Variants in FRYL observed in about 807,000 individuals in gnomAD.
The protein encoded by FRYL is protein furry homolog-like.
A neutral mutation model predicts 351.2 loss-of-function variants in FRYL; 150 were observed. That is an observed-to-expected ratio of 0.43 (90% CI 0.37 to 0.49). FRYL has a LOEUF of 0.49. Among genes scored for constraint, FRYL ranks in the 20% least tolerant of loss-of-function variants. The pLI is 0.00. For synonymous variants in FRYL, 1,153 were observed against 1,257.1 expected, an observed-to-expected ratio of 0.92 and a Z score of 1.75; for missense variants, 3,036 against 3,619.3, an observed-to-expected ratio of 0.84 and a Z score of 4.13.
intron 53 of FRYL, among the ~76,000 whole-genome samples, chr4:48,523,944 T>A (rs374023281): frequency 1.3e-5 from 2 of 152,324 alleles, no homozygotes; most frequent in African/African-American, 4.8e-5. Context: ...AACATAACTG[T>A]TGCCAATTTT....
rs1355393325 is a variant in FRYL at position 48,623,531 on chromosome 4, GTTCT to G, written c.121-356_121-353del. Among the ~76,000 whole-genome samples the G allele has an allele frequency of 2.6e-5, 4 of 152,306 alleles. No homozygotes were observed. In the South Asian group the frequency reaches 6.2e-4, roughly 24 times the overall value. On this transcript the variant is annotated intron_variant, in intron 4 of 63. Coordinates refer to ENST00000358350, the MANE Select transcript of FRYL (RefSeq NM_015030.2). ...TCAAGTTCAAAAGTCAACAGTATGT[GTTCT>G]TTCTTTCATTCATTCAAGAGTTTAC...
intron 21 of FRYL, 55 bp downstream of exon 21, chr4:48,581,365 G>C: frequency 6.8e-7 from 1 of 1,476,046 alleles, no homozygotes; most frequent in Admixed American, 1.9e-5. Flanking sequence ...GATGGACAAA[G>C]AGATGGTTTT....
chr4:48,634,415 A>G lies in FRYL; in HGVS notation c.-5T>C, dbSNP rs759175204. On this transcript the variant is annotated 5_prime_UTR_variant, in exon 4 of 64. Transcript: ENST00000358350. ...GTCAATCGTAATGTTTGACATGATGATATTTTTTTTTCCCCAAGTGGAATG... is the reference window on the plus strand; with the variant it reads ...GTCAATCGTAATGTTTGACATGATGGTATTTTTTTTTCCCCAAGTGGAATG... 8 of 1,612,882 alleles carry G rather than the reference A, an allele frequency of 5.0e-6. No homozygotes were observed. The highest frequency in any genetic ancestry group is 1.1e-5 in the South Asian group (1 of 91,066).
chr4:48,598,971 G>A (rs1388566939), intron 13 of FRYL: 1 of 352,878 alleles, frequency 2.8e-6, no homozygotes, highest in African/African-American at 2.2e-5. Context: ...CTTCACCAAG[G>A]TCTCTATTTA....
rs374438103 is a variant in FRYL at position 48,762,419 on chromosome 4, A to C, written c.-384+17659T>G. ...AAGTGTCTCTTCTCCTCTAATAATG[A>C]ACTCTTGTGTTGCTTCTTGGCCTAT... On this transcript the variant is annotated intron_variant, in intron 1 of 63. Coordinates refer to ENST00000358350, the MANE Select transcript of FRYL (RefSeq NM_015030.2). Among the ~76,000 whole-genome samples, 4 of 152,304 alleles carry C rather than the reference A, an allele frequency of 2.6e-5. No individual in the cohort carries two copies. In the South Asian group the frequency reaches 8.3e-4, roughly 32 times the overall value.
At chr4:48,657,233 C>T (rs1170042695) in intron 3 of FRYL, among the ~76,000 whole-genome samples, 3 of 151,998 alleles carry the variant, frequency 2.0e-5, no homozygotes, top group Admixed American at 6.6e-5. Flanking sequence ...TGCAGTAGCA[C>T]GAACAAGGTT....
At chr4:48,502,877 TACAA>T (rs750676955) in intron 60 of FRYL, 32 bp from the exon 61 acceptor site, 3 of 1,592,158 alleles carry the variant, frequency 1.9e-6, no homozygotes, top group Non-Finnish European at 2.6e-6. Flanking sequence ...TCACAAAAAA[TACAA>T]AGGAAGAAAA....
intron 49 of FRYL, among the ~76,000 whole-genome samples, chr4:48,533,236 T>C (rs781124138): frequency 7.2e-5 from 11 of 152,140 alleles, no homozygotes; most frequent in Non-Finnish European, 1.6e-4. Flanking sequence ...TGGTATATGT[T>C]TCTATGTGAA....
intron 7 of FRYL, among the ~76,000 whole-genome samples, chr4:48,612,403 C>T (rs1444992891): frequency 1.3e-5 from 2 of 152,124 alleles, no homozygotes; most frequent in South Asian, 2.1e-4. Flanking sequence ...GTTTTTTCCT[C>T]CCCTATACAG....
chr4:48,544,378 T>C (rs1730886948), intron 43 of FRYL, among the ~76,000 whole-genome samples: 1 of 152,140 alleles, frequency 6.6e-6, no homozygotes, highest in African/African-American at 2.4e-5. Context: ...TTGCCAAATG[T>C]CCCCTAGTTG....
intron 27 of FRYL, among the ~76,000 whole-genome samples, chr4:48,569,618 C>T (rs4695389): frequency 0.95 from 144,263 of 152,316 alleles, 68,431 homozygotes; most frequent in South Asian, 0.98. Context: ...TTTTTATTTG[C>T]TTTTTATTAA....
At chr4:48,777,480 G>A (rs1437355147) in intron 1 of FRYL, among the ~76,000 whole-genome samples, 1 of 152,164 alleles carries the variant, frequency 6.6e-6, no homozygotes, top group Non-Finnish European at 1.5e-5. Flanking sequence ...GTGATACAGT[G>A]AATCTGCACA....
At chr4:48,645,118 T>G (rs1169649131) in intron 3 of FRYL, among the ~76,000 whole-genome samples, 1 of 35,308 alleles carries the variant, frequency 2.8e-5, no homozygotes, top group Non-Finnish European at 5.7e-5. Context: ...GCAGTGAGCT[T>G]TCATTTTATA....
chr4:48,531,826 CT>C (rs1295581889), intron 49 of FRYL, among the ~76,000 whole-genome samples: 2 of 152,044 alleles, frequency 1.3e-5, no homozygotes, highest in Admixed American at 6.6e-5. Flanking sequence ...ACAGTTAAGT[CT>C]TTTTTTCTTG....
At chr4:48,655,350 C>T (rs767770244) in intron 3 of FRYL, among the ~76,000 whole-genome samples, 6 of 151,946 alleles carry the variant, frequency 3.9e-5, no homozygotes, top group Non-Finnish European at 7.4e-5. Flanking sequence ...AGAGACATCT[C>T]GTAATTAGTT....
intron 1 of FRYL, among the ~76,000 whole-genome samples, chr4:48,721,684 G>A (rs1769489826): frequency 6.6e-6 from 1 of 152,132 alleles, no homozygotes; most frequent in Non-Finnish European, 1.5e-5. Context: ...CTGTCGCCCA[G>A]GCTGGAGTGC....
chr4:48,564,625 C>T (rs1397302122), intron 30 of FRYL, among the ~76,000 whole-genome samples: 1 of 151,982 alleles, frequency 6.6e-6, no homozygotes, highest in Non-Finnish European at 1.5e-5. Flanking sequence ...CATATTTTTC[C>T]CATGCAGCTC....
At chr4:48,771,510 A>T (rs1256735209) in intron 1 of FRYL, among the ~76,000 whole-genome samples, 1 of 152,214 alleles carries the variant, frequency 6.6e-6, no homozygotes, top group Admixed American at 6.5e-5. Flanking sequence ...AAGTCATTCT[A>T]ACAGGAAAAA....
intron 1 of FRYL, among the ~76,000 whole-genome samples, chr4:48,750,514 G>A (rs1357848119): frequency 6.6e-6 from 1 of 151,956 alleles, no homozygotes; most frequent in East Asian, 1.9e-4. Flanking sequence ...TCTCTGGGTA[G>A]GCACTGTTCT....
Sources: gnomAD v4.1 joint callset for allele counts (sites outside exome capture counted in the v4.1 genomes callset) on GRCh38, gnomAD v4.1.1 for gene constraint, MANE v1.5 for transcripts, NCBI Gene and HGNC (gene_info 2026-07-23, HGNC 2026-07-21) for gene names.